The following L2HGDH variants were observed in gnomAD, a reference collection of about 807,000 sequenced individuals.
The protein encoded by L2HGDH is L-2-hydroxyglutarate dehydrogenase, mitochondrial.
In L2HGDH, 34 loss-of-function variants were observed where a neutral mutation model predicts 51.5. The observed-to-expected ratio is 0.66, with a 90% confidence interval of 0.50 to 0.88. The LOEUF (loss-of-function observed/expected upper bound fraction) is 0.88, where lower values mean the gene tolerates loss of function less well. Among genes scored for constraint, L2HGDH ranks in the 40% least tolerant of loss-of-function variants. The pLI is 0.00. For synonymous variants in L2HGDH, 198 were observed against 197.9 expected (o/e 1.00, Z -0.01); for missense variants, 558 against 571.9 (o/e 0.98, Z 0.25).
At chr14:50,298,493 T>G (rs113231941) in intron 3 of L2HGDH, among the ~76,000 whole-genome samples, 6,861 of 151,936 alleles carry the variant, frequency 0.045, 459 homozygotes, top group African/African-American at 0.14. Context: ...TTTTGTATTT[T>G]TAGTAGAGAT....
chr14:50,283,967 C>A lies in L2HGDH; in HGVS notation c.607G>T (p.Ala203Ser), dbSNP rs780635764. 3.1e-6 allele frequency: 5 copies of A among 1,613,918 alleles called. No individual in the cohort carries two copies. Among genetic ancestry groups the A allele is most frequent in the Non-Finnish European group, 4.2e-6 (5 of 1,179,958 alleles). The change falls in exon 5 of 10, where the codon GCC (alanine) becomes TCC (serine). Residue 203 changes from alanine to serine, a missense_variant. Physicochemically the swap from Ala to Ser is moderately conservative, Grantham distance 99. Transcript: ENST00000267436. ...VDYRQVALSF[A>S]QDFQEAGGSV... ...CCACCTGCTTCTTGGAAATCCTGGG[C>A]AAATGACAAAGCCACCTGCCGATAG...
At chr14:50,282,249 C>T (rs545515432) in intron 5 of L2HGDH, among the ~76,000 whole-genome samples, 2 of 152,184 alleles carry the variant, frequency 1.3e-5, no homozygotes, top group Non-Finnish European at 2.9e-5. Context: ...TAGCCCCCTA[C>T]GACAAAGAAC....
At chr14:50,293,197 C>G (rs1272902038) in intron 4 of L2HGDH, 2 of 702,060 alleles carry the variant, frequency 2.8e-6, no homozygotes, top group Admixed American at 2.0e-5. Flanking sequence ...CATAGACCCG[C>G]CACATACCTG....
Position 50,300,456 on chromosome 14 carries a change from G to A in L2HGDH, c.408+1561C>T, listed in dbSNP as rs113398347. ...ATTACAGGCGTGTGCCACCACACCC[G>A]GCTAATTTTTATATTTTTAGTAGAG... On this transcript the variant is annotated intron_variant, in intron 3 of 9. Coordinates refer to ENST00000267436, the MANE Select transcript of L2HGDH (RefSeq NM_024884.3). 4.7e-4 allele frequency among the ~76,000 whole-genome samples: 71 copies of A among 152,026 alleles called. 1 individual carries two copies. Among genetic ancestry groups the A allele is most frequent in the African/African-American group, 1.6e-3 (65 of 41,480 alleles).
intron 3 of L2HGDH, among the ~76,000 whole-genome samples, chr14:50,295,213 TG>T (rs748861528): frequency 1.3e-5 from 2 of 152,174 alleles, no homozygotes; most frequent in Non-Finnish European, 2.9e-5. Context: ...TTTACTGAAT[TG>T]TTTTTTAAAA....
At chr14:50,254,365 T>C (rs1888534872) in intron 9 of L2HGDH, among the ~76,000 whole-genome samples, 1 of 151,970 alleles carries the variant, frequency 6.6e-6, no homozygotes, top group African/African-American at 2.4e-5. Context: ...AAGAATCAGA[T>C]ATACCACATA....
At chr14:50,295,672 T>G (rs2029992826) in intron 3 of L2HGDH, among the ~76,000 whole-genome samples, 2 of 137,940 alleles carry the variant, frequency 1.4e-5, no homozygotes, top group African/African-American at 5.4e-5. Context: ...TCTACCCACC[T>G]CGGCCTCCCA....
At chr14:50,265,685 G>A (rs191531907) in intron 8 of L2HGDH, among the ~76,000 whole-genome samples, 196 bp from the exon 9 acceptor site, 7 of 152,234 alleles carry the variant, frequency 4.6e-5, no homozygotes, top group African/African-American at 1.7e-4. Flanking sequence ...AGGTCAAGGC[G>A]GGCGGAATAC....
At chr14:50,291,574 C>T (rs1890889192) in intron 4 of L2HGDH, among the ~76,000 whole-genome samples, 1 of 152,154 alleles carries the variant, frequency 6.6e-6, no homozygotes, top group Admixed American at 6.6e-5. Context: ...AGAACTCATT[C>T]AACACTATTT....
chr14:50,271,079 A>C (rs1045335669), intron 6 of L2HGDH, among the ~76,000 whole-genome samples: 1 of 150,484 alleles, frequency 6.6e-6, no homozygotes, highest in African/African-American at 2.4e-5. Context: ...TACAGCCTCA[A>C]CCTCCTGGGT....
chr14:50,269,462 G>A (rs1889542261), intron 6 of L2HGDH, 132 bp from the exon 7 acceptor site: 5 of 798,154 alleles, frequency 6.3e-6, no homozygotes, highest in Non-Finnish European at 1.0e-5. Context: ...TTCAATACAG[G>A]TATCAGCAAA....
At chr14:50,280,165 CTTT>C (rs1258447852) in intron 5 of L2HGDH, among the ~76,000 whole-genome samples, 3 of 141,092 alleles carry the variant, frequency 2.1e-5, no homozygotes, top group African/African-American at 2.6e-5. Context: ...TGGGTCACTG[CTTT>C]TTTTTTTTTT....
In L2HGDH at chr14:50,244,898, G is replaced by A; in HGVS notation, c.*2160C>T. 1.0e-6 allele frequency: 1 copy of A among 985,446 alleles called. No homozygotes were observed. The highest frequency in any genetic ancestry group is 1.2e-6 in the Non-Finnish European group (1 of 829,928). The allele number at this position is 985,446 out of a possible 1,614,324, so 61.0% of individuals were successfully genotyped here. On this transcript the variant is annotated 3_prime_UTR_variant, in exon 10 of 10. Transcript: ENST00000267436. Reference sequence around the variant, plus strand: ...GAATCCTGAGAGAGCAAATCAGAGAGAATGGATGAAAATGCCTCACCTAAA... The same window carrying A: ...GAATCCTGAGAGAGCAAATCAGAGAAAATGGATGAAAATGCCTCACCTAAA...
intron 4 of L2HGDH, among the ~76,000 whole-genome samples, chr14:50,287,963 A>G (rs12436483): frequency 0.51 from 77,308 of 151,666 alleles, 20,194 homozygotes; most frequent in East Asian, 0.65. Flanking sequence ...CTCCCAAAGT[A>G]CTGGGATTAT....
chr14:50,243,685 ATTGT>A lies in L2HGDH; in HGVS notation c.*3369_*3372del, dbSNP rs927987002. The A allele has an allele frequency of 1.0e-5, 2 of 193,372 alleles. No homozygotes were observed. The highest frequency in any genetic ancestry group is 1.8e-4 in the South Asian group (1 of 5,408). 12.0% of individuals were successfully genotyped at this position (193,372 alleles called of 1,614,324 possible). On this transcript the variant is annotated 3_prime_UTR_variant, in exon 10 of 10. Coordinates refer to ENST00000267436, the MANE Select transcript of L2HGDH (RefSeq NM_024884.3). ...ATTTTATATATATATATATATATAT[ATTGT>A]TTATTATTATACTTTAAGTTTTAGG...
chr14:50,290,654 G>A (rs1242219122), intron 4 of L2HGDH, among the ~76,000 whole-genome samples: 1 of 152,024 alleles, frequency 6.6e-6, no homozygotes, highest in African/African-American at 2.4e-5. Flanking sequence ...TACGGACACT[G>A]AAATTTGAAT....
intron 6 of L2HGDH, among the ~76,000 whole-genome samples, chr14:50,273,758 G>C (rs1889821264): frequency 2.0e-5 from 3 of 152,122 alleles, no homozygotes; most frequent in Admixed American, 2.0e-4. Flanking sequence ...TAATTCAATA[G>C]CAAAAGAACA....
At chr14:50,249,882 CTTTTTTTTTTTTTTTT>C (rs747924080) in intron 9 of L2HGDH, among the ~76,000 whole-genome samples, 12 of 68,954 alleles carry the variant, frequency 1.7e-4, no homozygotes, top group South Asian at 7.5e-4. Context: ...GCTTACACTC[CTTTTTTTTTTTTTTTT>C]TTTTTTTTTT....
At chr14:50,301,667 G>A (rs2030414322) in intron 3 of L2HGDH, among the ~76,000 whole-genome samples, 1 of 152,202 alleles carries the variant, frequency 6.6e-6, no homozygotes, top group Non-Finnish European at 1.5e-5. Context: ...GGCATCGGGG[G>A]AGGTAGAAAT....
Sources: allele counts gnomAD v4.1 joint callset (sites outside exome capture counted in the v4.1 genomes callset), GRCh38; gene constraint gnomAD v4.1.1; transcripts MANE v1.5; gene names NCBI Gene and HGNC (gene_info 2026-07-23, HGNC 2026-07-21).